Variants in DOCK1 observed in about 807,000 individuals in gnomAD.
DOCK1 encodes dedicator of cytokinesis protein 1.
A neutral mutation model predicts 262.7 loss-of-function variants in DOCK1; 138 were observed. That is an observed-to-expected ratio of 0.53 (90% CI 0.46 to 0.61). The LOEUF (loss-of-function observed/expected upper bound fraction) is 0.61. DOCK1 is among the 20% of genes least tolerant of loss of function. The probability of loss-of-function intolerance (pLI) is 0.00; values close to 1 mark genes in which losing one functional copy is unlikely to be tolerated. For synonymous variants in DOCK1, 866 were observed against 867.4 expected (o/e 1.00, Z 0.03); for missense variants, 1,908 against 2,370.7 (o/e 0.80, Z 4.05).
At chr10:127,213,051 A>G (rs1279244231) in intron 27 of DOCK1, among the ~76,000 whole-genome samples, 1 of 152,126 alleles carries the variant, frequency 6.6e-6, no homozygotes, top group Non-Finnish European at 1.5e-5. Context: ...TCCCCTTTAG[A>G]TTACTCAGTA....
intron 47 of DOCK1, among the ~76,000 whole-genome samples, chr10:127,430,158 A>G (rs2134614141): frequency 6.6e-6 from 1 of 152,192 alleles, no homozygotes; most frequent in Middle Eastern, 3.4e-3. Flanking sequence ...TAGCTGTGGT[A>G]TCCCCTGGTG....
chr10:126,914,238 C>T (rs554265330), intron 1 of DOCK1, among the ~76,000 whole-genome samples: 1 of 152,258 alleles, frequency 6.6e-6, no homozygotes, highest in African/African-American at 2.4e-5. Context: ...CCTGAAGGGA[C>T]AGGATGAAGG....
At chr10:127,111,351 C>A (rs958027648) in intron 25 of DOCK1, among the ~76,000 whole-genome samples, 1 of 152,192 alleles carries the variant, frequency 6.6e-6, no homozygotes, top group Non-Finnish European at 1.5e-5. Context: ...AAAAACACAT[C>A]AAACCAAGAA....
At chr10:127,274,984 G>A (rs988598139) in intron 29 of DOCK1, among the ~76,000 whole-genome samples, 5 of 152,144 alleles carry the variant, frequency 3.3e-5, no homozygotes, top group Non-Finnish European at 7.3e-5. Flanking sequence ...TGGATGTGTG[G>A]CCTGGTTAAT....
chr10:127,376,427 C>G (rs2065493152), intron 35 of DOCK1, among the ~76,000 whole-genome samples: 1 of 152,162 alleles, frequency 6.6e-6, no homozygotes, highest in Admixed American at 6.5e-5. Context: ...TGGGCTGTGG[C>G]TGTGTTTGTC....
intron 27 of DOCK1, among the ~76,000 whole-genome samples, chr10:127,233,012 G>A (rs879530629): frequency 6.6e-6 from 1 of 152,192 alleles, no homozygotes; most frequent in Non-Finnish European, 1.5e-5. Flanking sequence ...GGTGATTAGA[G>A]TTTTTGGTTT....
At chr10:127,040,951 T>C (rs2043975743) in intron 19 of DOCK1, among the ~76,000 whole-genome samples, 1 of 152,164 alleles carries the variant, frequency 6.6e-6, no homozygotes, top group South Asian at 2.1e-4. Flanking sequence ...CTAATCTGCT[T>C]CCTGTCTCGA....
At chr10:127,431,353 G>A (rs2069275133) in intron 47 of DOCK1, among the ~76,000 whole-genome samples, 1 of 152,150 alleles carries the variant, frequency 6.6e-6, no homozygotes, top group Non-Finnish European at 1.5e-5. Flanking sequence ...TCGCACCCAG[G>A]GAGTGCCCTC....
At chr10:126,997,343 A>G (rs1267716493) in intron 7 of DOCK1, among the ~76,000 whole-genome samples, 2 of 152,140 alleles carry the variant, frequency 1.3e-5, no homozygotes, top group Non-Finnish European at 2.9e-5. Context: ...TTTATAAAGA[A>G]AAGAGGTTTA....
intron 28 of DOCK1, among the ~76,000 whole-genome samples, chr10:127,249,365 A>G (rs573325094): frequency 2.1e-4 from 31 of 150,464 alleles, no homozygotes; most frequent in Non-Finnish European, 4.0e-4. Flanking sequence ...TTATATATAC[A>G]TATATATACA....
intron 29 of DOCK1, among the ~76,000 whole-genome samples, chr10:127,263,051 G>A (rs910840589): frequency 6.6e-6 from 1 of 152,226 alleles, no homozygotes; most frequent in African/African-American, 2.4e-5. Context: ...TTTCCCAAGA[G>A]AGTGTTAGGA....
At chr10:127,332,062 C>T (rs1036660817) in intron 29 of DOCK1, among the ~76,000 whole-genome samples, 7 of 152,168 alleles carry the variant, frequency 4.6e-5, no homozygotes, top group African/African-American at 7.2e-5. Flanking sequence ...CTTTGGCCCA[C>T]GACAATTCCT....
chr10:127,139,554 G>A (rs949221900), intron 27 of DOCK1, among the ~76,000 whole-genome samples: 6 of 152,144 alleles, frequency 3.9e-5, no homozygotes, highest in Non-Finnish European at 7.3e-5. Flanking sequence ...TCCAGACTAC[G>A]TGATGATGGA....
chr10:127,341,847 G>A (rs1300454897), intron 30 of DOCK1, among the ~76,000 whole-genome samples: 2 of 152,138 alleles, frequency 1.3e-5, no homozygotes, highest in Admixed American at 6.5e-5. Context: ...AGCAGGAATC[G>A]CTGCCTGCTG....
intron 24 of DOCK1, among the ~76,000 whole-genome samples, chr10:127,110,001 C>T (rs541133045): frequency 5.8e-4 from 89 of 152,196 alleles, no homozygotes; most frequent in African/African-American, 2.0e-3. Context: ...TTCATTATAT[C>T]TTTACCAACA....
At chr10:127,134,489 A>G (rs1419380) in intron 27 of DOCK1, among the ~76,000 whole-genome samples, 149,897 of 152,260 alleles carry the variant, frequency 0.98, 73,841 homozygotes, top group Middle Eastern at 1. Context: ...CTGGAGGGTC[A>G]GAGATTGAAG....
intron 32 of DOCK1, among the ~76,000 whole-genome samples, chr10:127,356,867 C>G (rs892190812): frequency 2.6e-5 from 4 of 152,158 alleles, no homozygotes; most frequent in African/African-American, 7.2e-5. Context: ...CTGTGTTGTT[C>G]CATTTCAACT....
At chr10:127,223,127 A>G (rs12146189) in intron 27 of DOCK1, among the ~76,000 whole-genome samples, 15,290 of 152,258 alleles carry the variant, frequency 0.1, 1,024 homozygotes, top group Non-Finnish European at 0.15. Context: ...GGTCACAACT[A>G]ATAAATCAAT....
intron 25 of DOCK1, among the ~76,000 whole-genome samples, chr10:127,123,234 C>T (rs2255738): frequency 0.82 from 124,960 of 152,132 alleles, 52,022 homozygotes; most frequent in East Asian, 0.94. Context: ...CTGCTCAGGT[C>T]TTAGTGGTTC....
Sources: gnomAD v4.1 joint callset for allele counts (sites outside exome capture counted in the v4.1 genomes callset) on GRCh38, gnomAD v4.1.1 for gene constraint, MANE v1.5 for transcripts, NCBI Gene and HGNC (gene_info 2026-07-23, HGNC 2026-07-21) for gene names.